Variants in ATE1 observed in about 807,000 individuals in gnomAD.
The protein encoded by ATE1 is arginyl-tRNA--protein transferase 1.
In ATE1, 36 loss-of-function variants were observed where a neutral mutation model predicts 70.5. The ratio of observed to expected loss-of-function variants is 0.51; its 90% CI spans 0.39 to 0.67. The LOEUF (loss-of-function observed/expected upper bound fraction) is 0.67. Ranked by LOEUF, ATE1 falls within the 30% of genes least tolerant of loss-of-function variation. The pLI, the probability that ATE1 is intolerant of heterozygous loss-of-function variation, is 0.00. For missense variants in ATE1, 593 were observed against 629.5 expected (o/e 0.94, Z 0.62); for synonymous variants, 232 against 219.3 (o/e 1.06, Z -0.51).
rs1256833722 is a variant in ATE1, at chr10:121,790,300, G to A, written c.1258-11C>T. On this transcript the variant is annotated splice_polypyrimidine_tract_variant and intron_variant, in intron 10 of 11. Transcript: ENST00000224652. ...AGGTCTATACTGACCCTGAAGAAAAGTGAAGGAAAAAGGCACAGGCATTAT... is the reference window on the plus strand; with the variant it reads ...AGGTCTATACTGACCCTGAAGAAAAATGAAGGAAAAAGGCACAGGCATTAT... 3 of 1,610,866 alleles carry A rather than the reference G, an allele frequency of 1.9e-6. No homozygotes were observed. The highest frequency in any genetic ancestry group is 1.7e-5 in the Admixed American group (1 of 59,260).
At chr10:121,803,087 T>C (rs1225657585) in intron 10 of ATE1, among the ~76,000 whole-genome samples, 1 of 152,190 alleles carries the variant, frequency 6.6e-6, no homozygotes, top group African/African-American at 2.4e-5. Context: ...TGTCTGCTTA[T>C]ATGCTGTGTT....
intron 8 of ATE1, among the ~76,000 whole-genome samples, chr10:121,862,441 T>C (rs955245902): frequency 1.3e-5 from 2 of 152,058 alleles, no homozygotes; most frequent in Non-Finnish European, 2.9e-5. Context: ...ACTGCAGCCT[T>C]GAACTCCTGG....
Position 121,927,591 on chromosome 10 carries a change from C to T in ATE1, c.106+253G>A, listed in dbSNP as rs1406742994. ...CCTCACACAATCTACCCCAGACGGG[C>T]GTCCGTCTCCCGACTCTGGGGAGAC... On this transcript the variant is annotated intron_variant, in intron 1 of 11. Transcript: ENST00000224652. The T allele has an allele frequency of 1.6e-5, 16 of 970,744 alleles. No homozygotes were observed. In the East Asian group the frequency reaches 1.7e-3, roughly 105 times the overall value. 60.1% of individuals were successfully genotyped at this position (970,744 alleles called of 1,614,324 possible).
intron 9 of ATE1, among the ~76,000 whole-genome samples, chr10:121,839,989 A>G (rs1375018345): frequency 6.6e-6 from 1 of 152,248 alleles, no homozygotes; most frequent in Non-Finnish European, 1.5e-5. Flanking sequence ...AGTATGACAC[A>G]ATAGTAAACA....
chr10:121,913,711 T>C (rs1951533664), intron 4 of ATE1, 79 bp downstream of exon 4: 1 of 961,448 alleles, frequency 1.0e-6, no homozygotes, highest in Non-Finnish European at 1.6e-6. Context: ...TTAATGACCC[T>C]TCCCCTTCCC....
chr10:121,791,054 ACG>A (rs1491338783), intron 10 of ATE1, among the ~76,000 whole-genome samples: 1 of 3,610 alleles, frequency 2.8e-4, no homozygotes, highest in East Asian at 1.7e-3. Flanking sequence ...ATATATGTAT[ACG>A]TGTGTGTGTG....
At chr10:121,885,772 C>T (rs1349185623) in intron 7 of ATE1, among the ~76,000 whole-genome samples, 2 of 151,470 alleles carry the variant, frequency 1.3e-5, no homozygotes, top group Non-Finnish European at 2.9e-5. Context: ...TGGAGTCATG[C>T]GCCTGTAGTC....
intron 7 of ATE1, among the ~76,000 whole-genome samples, chr10:121,877,360 C>G (rs1950087788): frequency 6.6e-6 from 1 of 152,188 alleles, no homozygotes; most frequent in African/African-American, 2.4e-5. Flanking sequence ...ATCTTTACAT[C>G]TGTTGCTGAC....
intron 11 of ATE1, among the ~76,000 whole-genome samples, chr10:121,744,618 G>A (rs1297237273): frequency 2.6e-5 from 4 of 152,172 alleles, no homozygotes; most frequent in Non-Finnish European, 5.9e-5. Flanking sequence ...TACTAGGTAT[G>A]GACAATGCAC....
chr10:121,841,280 G>A lies in ATE1; in HGVS notation c.976-17C>T, dbSNP rs779581806. ...AGTCTCTGCCTAAGAAAAAGCAGAG[G>A]CACAAACAGCCATTTTTTTAATATT... On this transcript the variant is annotated splice_polypyrimidine_tract_variant and intron_variant, in intron 8 of 11. Coordinates refer to ENST00000224652, the MANE Select transcript of ATE1 (RefSeq NM_001001976.3). The A allele has an allele frequency of 9.2e-6, 13 of 1,405,700 alleles. No homozygotes were observed. In the South Asian group the frequency reaches 2.5e-4, roughly 27 times the overall value. 87.1% of individuals were successfully genotyped at this position (1,405,700 alleles called of 1,614,324 possible). A position where few individuals can be genotyped will look rare whatever the true frequency, so the allele number is the denominator to read the frequency against.
intron 2 of ATE1, among the ~76,000 whole-genome samples, chr10:121,923,468 A>G (rs1951961680): frequency 6.6e-6 from 1 of 152,174 alleles, no homozygotes. Context: ...AGCCTGGGCA[A>G]CAGAGCGAGA....
intron 7 of ATE1, among the ~76,000 whole-genome samples, chr10:121,887,122 AAC>A (rs1950425346): frequency 6.6e-6 from 1 of 152,164 alleles, no homozygotes; most frequent in South Asian, 2.1e-4. Context: ...TTGGGCTGTG[AAC>A]ACACAACTTG....
chr10:121,790,029 TACAC>T (rs3036895), intron 11 of ATE1, 136 bp downstream of exon 11: 3 of 889,044 alleles, frequency 3.4e-6, no homozygotes, highest in Non-Finnish European at 4.9e-6. Context: ...TCCTCTATCT[TACAC>T]ACACACACAC....
At chr10:121,821,952 C>T (rs1161929015) in intron 10 of ATE1, among the ~76,000 whole-genome samples, 1 of 152,152 alleles carries the variant, frequency 6.6e-6, no homozygotes, top group Non-Finnish European at 1.5e-5. Context: ...CCAGTGGGAT[C>T]GCAAATTAGT....
upstream of ATE1, chr10:121,928,281 T>C (rs1952188451): frequency 4.1e-6 from 6 of 1,479,262 alleles, no homozygotes; most frequent in Non-Finnish European, 5.4e-6. Flanking sequence ...GAGCCTGCCC[T>C]TTCCCCCGCC....
At chr10:121,857,737 GCAT>G (rs1029552853) in intron 8 of ATE1, among the ~76,000 whole-genome samples, 2 of 152,118 alleles carry the variant, frequency 1.3e-5, no homozygotes, top group Non-Finnish European at 2.9e-5. Flanking sequence ...GTACAGTTTA[GCAT>G]CATCAAGTAC....
chr10:121,857,407 G>C (rs1308717293), intron 8 of ATE1, among the ~76,000 whole-genome samples: 4 of 152,182 alleles, frequency 2.6e-5, no homozygotes, highest in Admixed American at 1.3e-4. Context: ...ATGGTCTCCA[G>C]CTGCATCCAT....
At chr10:121,881,457 T>C (rs1350412523) in intron 7 of ATE1, among the ~76,000 whole-genome samples, 2 of 152,126 alleles carry the variant, frequency 1.3e-5, no homozygotes, top group Non-Finnish European at 2.9e-5. Flanking sequence ...TATAGCTCCT[T>C]TGTCTCCAGT....
At chr10:121,819,170 T>G (rs1039909576) in intron 10 of ATE1, among the ~76,000 whole-genome samples, 3 of 152,222 alleles carry the variant, frequency 2.0e-5, no homozygotes, top group Non-Finnish European at 4.4e-5. Context: ...AAAAGTTGAA[T>G]GAAGTATTTA....
Sources: allele counts gnomAD v4.1 joint callset (sites outside exome capture counted in the v4.1 genomes callset), GRCh38; gene constraint gnomAD v4.1.1; transcripts MANE v1.5; gene names NCBI Gene and HGNC (gene_info 2026-07-23, HGNC 2026-07-21).